Variants in GCNT1 observed in about 807,000 individuals in gnomAD.
GCNT1 encodes the protein beta-1,3-galactosyl-O-glycosyl-glycoprotein beta-1,6-N-acetylglucosaminyltransferase.
In GCNT1, 16 loss-of-function variants were observed where a neutral mutation model predicts 26.2. That is an observed-to-expected ratio of 0.61 (90% CI 0.41 to 0.93). The LOEUF (loss-of-function observed/expected upper bound fraction) is 0.93, where lower values mean the gene tolerates loss of function less well. GCNT1 is among the 40% of genes least tolerant of loss of function. The probability of loss-of-function intolerance (pLI) is 0.00; values close to 1 mark genes in which losing one functional copy is unlikely to be tolerated. For synonymous variants in GCNT1, 183 were observed against 190.8 expected (o/e 0.96, Z 0.34); for missense variants, 477 against 526.7 (o/e 0.91, Z 0.92).
intron 2 of GCNT1, among the ~76,000 whole-genome samples, chr9:76,486,090 A>G (rs785916): frequency 0.82 from 124,523 of 152,226 alleles, 51,511 homozygotes; most frequent in African/African-American, 0.93. Context: ...AGATTATGTG[A>G]GTTTGAAGCC....
At chr9:76,490,463 ATGGCCC>A (rs1824702054) in intron 2 of GCNT1, among the ~76,000 whole-genome samples, 2 of 152,210 alleles carry the variant, frequency 1.3e-5, no homozygotes, top group Admixed American at 6.5e-5. Flanking sequence ...TATTAGTTGT[ATGGCCC>A]TGTGCTGACA....
At position 76,504,843 on chromosome 9, in the gene GCNT1, G is replaced by A. The variant is rs1825194568; in HGVS notation, c.*1175G>A. On this transcript the variant is annotated 3_prime_UTR_variant, in exon 4 of 4. Transcript: ENST00000376730. ...TCCTTTCTCAACCTTCCACGAGGAG[G>A]AAAGAAGTGTGCAGTCATTCCACAT... 4.8e-6 allele frequency: 2 copies of A among 413,364 alleles called. No individual in the cohort carries two copies. Among genetic ancestry groups the A allele is most frequent in the South Asian group, 2.5e-4 (2 of 7,866 alleles). The allele number at this position is 413,364 out of a possible 1,614,324, so 25.6% of individuals were successfully genotyped here. A position where few individuals can be genotyped will look rare whatever the true frequency, so the allele number is the denominator to read the frequency against.
chr9:76,406,330 C>T, the GCNT1 span, among the ~76,000 whole-genome samples: 6 of 151,504 alleles, frequency 4.0e-5, no homozygotes, highest in Non-Finnish European at 8.8e-5. Flanking sequence ...CCTTTATCTA[C>T]AAAAATATTT....
chr9:76,444,019 G>A (rs1041918246), intron 1 of GCNT1, among the ~76,000 whole-genome samples: 2 of 152,012 alleles, frequency 1.3e-5, no homozygotes, highest in Non-Finnish European at 2.9e-5. Flanking sequence ...AGCATTTGTT[G>A]AATTGGGTGT....
At chr9:76,449,397 A>T (rs146557342) in intron 1 of GCNT1, among the ~76,000 whole-genome samples, 175 of 152,338 alleles carry the variant, frequency 1.1e-3, no homozygotes, top group Non-Finnish European at 2.0e-3. Context: ...TGGCATAAGG[A>T]TTATTTTGAG....
chr9:76,491,863 C>G lies in GCNT1; in HGVS notation c.-289-9053C>G, dbSNP rs1238429324. 2.0e-5 allele frequency among the ~76,000 whole-genome samples: 3 copies of G among 152,198 alleles called. No individual in the cohort carries two copies. In the East Asian group the frequency reaches 5.8e-4, roughly 29 times the overall value. On this transcript the variant is annotated intron_variant, in intron 2 of 3. Coordinates refer to ENST00000376730, the MANE Select transcript of GCNT1 (RefSeq NM_001490.5). ...TCCCTCAAGGAGTAGCGCCTGGTAT[C>G]TAAGTAGGCAGTTGTCTGATAGCCA...
At chr9:76,497,300 T>G (rs1824933625) in intron 2 of GCNT1, among the ~76,000 whole-genome samples, 1 of 152,242 alleles carries the variant, frequency 6.6e-6, no homozygotes, top group Non-Finnish European at 1.5e-5. Flanking sequence ...ACTTCTTTTC[T>G]TCTTGGAAAT....
intron 2 of GCNT1, among the ~76,000 whole-genome samples, chr9:76,493,249 T>C (rs986443665): frequency 3.7e-5 from 5 of 135,806 alleles, no homozygotes; most frequent in African/African-American, 5.5e-5. Context: ...ATACAGGGGA[T>C]GGCTTGCTGA....
chr9:76,401,752 C>T, the GCNT1 span, among the ~76,000 whole-genome samples: 2 of 152,004 alleles, frequency 1.3e-5, no homozygotes. Context: ...CATTAAGGAC[C>T]AGCACAGTGA....
At position 76,465,155 on chromosome 9, in the gene GCNT1, GT is replaced by G. The variant is rs374781585; in HGVS notation, c.-290+4991del. On this transcript the variant is annotated intron_variant, in intron 2 of 3. Transcript: ENST00000376730. ...CCTGCTGTGCCTGACTCTGATTTGAGTTTTTTTTTTTTTATTTTTTTTTAGA... is the reference window on the plus strand; with the variant it reads ...CCTGCTGTGCCTGACTCTGATTTGAGTTTTTTTTTTTTATTTTTTTTTAGA... Among the ~76,000 whole-genome samples, 42 of 145,020 alleles carry G rather than the reference GT, an allele frequency of 2.9e-4. No individual in the cohort carries two copies. The South Asian group carries it at 4.4e-3, about 15-fold the overall frequency.
At chr9:76,436,044 C>T (rs1052093096) in intron 1 of GCNT1, among the ~76,000 whole-genome samples, 5 of 150,772 alleles carry the variant, frequency 3.3e-5, no homozygotes, top group Non-Finnish European at 5.9e-5. Context: ...CAACCTCTGC[C>T]TCCTGGGTTC....
chr9:76,499,271 G>A (rs1316792172), intron 2 of GCNT1, among the ~76,000 whole-genome samples: 1 of 151,992 alleles, frequency 6.6e-6, no homozygotes, highest in African/African-American at 2.4e-5. Context: ...GGGATTACAG[G>A]CATGCACCAC....
At chr9:76,467,838 C>A (rs1046546413) in intron 2 of GCNT1, among the ~76,000 whole-genome samples, 1 of 150,098 alleles carries the variant, frequency 6.7e-6, no homozygotes, top group African/African-American at 2.5e-5. Flanking sequence ...GTGTAAGAAC[C>A]TCTATTTATA....
In GCNT1 at chr9:76,506,244, T is replaced by C. The variant is rs1825235477; in HGVS notation, c.*2576T>C. 6.0e-6 allele frequency: 1 copy of C among 167,058 alleles called. No homozygotes were observed. Among genetic ancestry groups the C allele is most frequent in the Non-Finnish European group, 1.5e-5 (1 of 68,108 alleles). The allele number at this position is 167,058 out of a possible 1,614,324, so 10.3% of individuals were successfully genotyped here. On this transcript the variant is annotated 3_prime_UTR_variant, in exon 4 of 4. Transcript: ENST00000376730. ...CTAATTTTTGTACTGTCATTGAAGGTGTTTTATAGAGAAATCTGAGAAATC... is the reference window on the plus strand; with the variant it reads ...CTAATTTTTGTACTGTCATTGAAGGCGTTTTATAGAGAAATCTGAGAAATC...
chr9:76,396,120 C>G, the GCNT1 span, among the ~76,000 whole-genome samples: 1 of 152,112 alleles, frequency 6.6e-6, no homozygotes, highest in African/African-American at 2.4e-5. Context: ...CTGGGTCTTA[C>G]GCCACTAAGC....
chr9:76,456,775 C>G (rs1208562951), upstream of GCNT1, among the ~76,000 whole-genome samples: 1 of 152,120 alleles, frequency 6.6e-6, no homozygotes, highest in Non-Finnish European at 1.5e-5. Context: ...GAGTTCAAAC[C>G]CAGCCTGGGC....
At chr9:76,499,453 GTCAC>G (rs1227026999) in intron 2 of GCNT1, among the ~76,000 whole-genome samples, 2 of 152,140 alleles carry the variant, frequency 1.3e-5, no homozygotes, top group African/African-American at 2.4e-5. Flanking sequence ...CGTTGAATAT[GTCAC>G]TCACTGCCTT....
At chr9:76,433,760 T>C (rs1587408642) in intron 1 of GCNT1, among the ~76,000 whole-genome samples, 1 of 152,002 alleles carries the variant, frequency 6.6e-6, no homozygotes, top group Non-Finnish European at 1.5e-5. Context: ...GCTGGCAAGG[T>C]GGTTGAGAAA....
chr9:76,460,496 A>G (rs926524972), intron 2 of GCNT1, among the ~76,000 whole-genome samples: 19 of 152,090 alleles, frequency 1.2e-4, no homozygotes, highest in Admixed American at 5.9e-4. Flanking sequence ...GGGGAGGAGG[A>G]GGGCTTAGTA....
Sources: allele counts gnomAD v4.1 joint callset (sites outside exome capture counted in the v4.1 genomes callset), GRCh38; gene constraint gnomAD v4.1.1; transcripts MANE v1.5; gene names NCBI Gene and HGNC (gene_info 2026-07-23, HGNC 2026-07-21).